Variants in PIP4K2A observed in about 807,000 individuals in gnomAD.
The protein encoded by PIP4K2A is phosphatidylinositol-5-phosphate 4-kinase type 2 alpha.
PIP4K2A carries 14 observed loss-of-function variants against 42.9 expected under a neutral mutation model. That is an observed-to-expected ratio of 0.33 (90% confidence interval 0.22 to 0.51). PIP4K2A has a LOEUF of 0.51. PIP4K2A is among the 20% of genes least tolerant of loss of function. The pLI, the probability that PIP4K2A is intolerant of heterozygous loss-of-function variation, is 0.97. For synonymous variants in PIP4K2A, 192 were observed against 192.2 expected (o/e 1.00, Z 0.01); for missense variants, 434 against 519.8 (o/e 0.83, Z 1.61).
chr10:22,636,953 CGTGA>C (rs1481993345), intron 1 of PIP4K2A, among the ~76,000 whole-genome samples: 9 of 152,232 alleles, frequency 5.9e-5, no homozygotes, highest in Non-Finnish European at 8.8e-5. Flanking sequence ...ACTGCAGCCA[CGTGA>C]GTGAGACCAG....
At chr10:22,562,145 G>T (rs1435002814) in intron 6 of PIP4K2A, among the ~76,000 whole-genome samples, 2 of 152,116 alleles carry the variant, frequency 1.3e-5, no homozygotes, top group Non-Finnish European at 2.9e-5. Context: ...AGGCTTTTTG[G>T]AAGAGTCAAA....
At chr10:22,708,494 C>A (rs1336837425) in intron 1 of PIP4K2A, among the ~76,000 whole-genome samples, 1 of 152,188 alleles carries the variant, frequency 6.6e-6, no homozygotes, top group Non-Finnish European at 1.5e-5. Context: ...GCAGGATCCA[C>A]CCACCACCAT....
intron 1 of PIP4K2A, among the ~76,000 whole-genome samples, chr10:22,705,155 A>G (rs1833794808): frequency 6.6e-6 from 1 of 151,978 alleles, no homozygotes; most frequent in South Asian, 2.1e-4. Flanking sequence ...AAAGGAAGAA[A>G]TGACTTCAGA....
At chr10:22,558,030 G>C (rs574684752) in intron 6 of PIP4K2A, among the ~76,000 whole-genome samples, 1 of 152,244 alleles carries the variant, frequency 6.6e-6, no homozygotes, top group African/African-American at 2.4e-5. Context: ...TGAATTTTTT[G>C]TTTGATATGC....
intron 1 of PIP4K2A, among the ~76,000 whole-genome samples, chr10:22,664,244 C>T (rs1421537167): frequency 3.0e-5 from 4 of 132,688 alleles, no homozygotes; most frequent in East Asian, 4.2e-4. Context: ...CACACACACA[C>T]ACACACATAT....
At chr10:22,671,028 C>T (rs1447453579) in intron 1 of PIP4K2A, among the ~76,000 whole-genome samples, 2 of 152,088 alleles carry the variant, frequency 1.3e-5, no homozygotes, top group Non-Finnish European at 2.9e-5. Context: ...GATGTAAATG[C>T]CTTTCCCTTC....
chr10:22,620,916 G>A (rs1838314851), intron 1 of PIP4K2A, among the ~76,000 whole-genome samples: 1 of 152,200 alleles, frequency 6.6e-6, no homozygotes. Context: ...TCATTTATGT[G>A]GATGTGGCAG....
chr10:22,558,822 T>C (rs1348852531), intron 6 of PIP4K2A, among the ~76,000 whole-genome samples: 2 of 152,198 alleles, frequency 1.3e-5, no homozygotes. Flanking sequence ...GTGCTGTAAG[T>C]AAGCCGCGCA....
chr10:22,540,195 T>C (rs974724921), intron 8 of PIP4K2A, 121 bp from the exon 9 acceptor site: 2 of 688,586 alleles, frequency 2.9e-6, no homozygotes, highest in Non-Finnish European at 5.2e-6. Flanking sequence ...GGAACGCGGA[T>C]GGAAGGAGTC....
At chr10:22,668,882 A>G (rs1839398556) in intron 1 of PIP4K2A, among the ~76,000 whole-genome samples, 1 of 152,254 alleles carries the variant, frequency 6.6e-6, no homozygotes, top group African/African-American at 2.4e-5. Flanking sequence ...ATACCAAATA[A>G]GATAATTTAA....
At chr10:22,612,733 T>C (rs984086936) in intron 1 of PIP4K2A, among the ~76,000 whole-genome samples, 1 of 151,816 alleles carries the variant, frequency 6.6e-6, no homozygotes, top group African/African-American at 2.4e-5. Context: ...GGGAAGCTGG[T>C]GGGTCCAACG....
chr10:22,691,656 C>A (rs1464738283), intron 1 of PIP4K2A: 1 of 152,190 alleles, frequency 6.6e-6, no homozygotes, highest in Non-Finnish European at 1.5e-5. Flanking sequence ...CCCATTGCGT[C>A]ATTTGCTATG....
intron 1 of PIP4K2A, chr10:22,661,783 A>C (rs747858513): frequency 1.4e-4 from 22 of 152,350 alleles, no homozygotes; most frequent in Non-Finnish European, 2.4e-4. Context: ...TGGATGAATC[A>C]ATCGGTAAAT....
At chr10:22,549,148 A>G (rs527787575) in intron 7 of PIP4K2A, among the ~76,000 whole-genome samples, 24 of 152,364 alleles carry the variant, frequency 1.6e-4, no homozygotes, top group African/African-American at 5.8e-4. Flanking sequence ...CCAAGTATGT[A>G]TACTATAAAG....
intron 3 of PIP4K2A, among the ~76,000 whole-genome samples, chr10:22,596,243 C>T (rs995907563): frequency 1.4e-5 from 2 of 144,878 alleles, no homozygotes; most frequent in Admixed American, 6.8e-5. Flanking sequence ...CTCGAAGACT[C>T]GACTCGTTGC....
At chr10:22,585,406 G>A (rs1004624581) in intron 4 of PIP4K2A, among the ~76,000 whole-genome samples, 16 of 152,022 alleles carry the variant, frequency 1.1e-4, no homozygotes, top group African/African-American at 2.7e-4. Context: ...AATTTAAGTC[G>A]TTTTTTATCA....
At chr10:22,714,112 C>CGGAGGAGGAGGGGAACGAGGA in intron 1 of PIP4K2A, 71 bp downstream of exon 1, 1 of 1,444,742 alleles carries the variant, frequency 6.9e-7, no homozygotes, top group South Asian at 1.3e-5. Context: ...CAGCTGCAGC[C>CGGAGGAGGAGGGGAACGAGGA]GGAGGAGGAG....
chr10:22,612,041 T>C (rs762601021), intron 1 of PIP4K2A, among the ~76,000 whole-genome samples: 30 of 152,240 alleles, frequency 2.0e-4, no homozygotes, highest in Non-Finnish European at 3.4e-4. Flanking sequence ...TGCATCCTTT[T>C]GCTTTATGGT....
intron 1 of PIP4K2A, among the ~76,000 whole-genome samples, chr10:22,623,171 TTAA>T (rs1838367060): frequency 6.6e-6 from 1 of 151,816 alleles, no homozygotes; most frequent in African/African-American, 2.4e-5. Context: ...GACTTTTTTT[TTAA>T]AAAAAAAGGT....
Sources: allele counts gnomAD v4.1 joint callset (sites outside exome capture counted in the v4.1 genomes callset), GRCh38; gene constraint gnomAD v4.1.1; transcripts MANE v1.5; gene names NCBI Gene and HGNC (gene_info 2026-07-23, HGNC 2026-07-21).